CDC42SE2: variants seen among roughly 807,000 people sequenced by gnomAD.
The protein encoded by CDC42SE2 is CDC42 small effector 2.
CDC42SE2 carries 3 observed loss-of-function variants against 11.5 expected under a neutral mutation model. The observed-to-expected ratio is 0.26, with a 90% CI of 0.12 to 0.67. The LOEUF (loss-of-function observed/expected upper bound fraction) is 0.67. Among genes scored for constraint, CDC42SE2 ranks in the 30% least tolerant of loss-of-function variants. CDC42SE2 has a pLI of 0.80. For synonymous variants in CDC42SE2, 33 were observed against 34.8 expected (o/e 0.95, Z 0.18); for missense variants, 82 against 106.8 (o/e 0.77, Z 1.02).
intron 1 of CDC42SE2, among the ~76,000 whole-genome samples, chr5:131,248,284 C>G (rs1024507326): frequency 6.6e-6 from 1 of 152,032 alleles, no homozygotes; most frequent in African/African-American, 2.4e-5. Flanking sequence ...GGACTGCAGG[C>G]GCATGCCACC....
chr5:131,356,131 T>C (rs921951196), intron 2 of CDC42SE2, among the ~76,000 whole-genome samples: 2 of 152,220 alleles, frequency 1.3e-5, no homozygotes, highest in African/African-American at 4.8e-5. Context: ...AAATACTCTC[T>C]TGTGCTGTAG....
intron 2 of CDC42SE2, among the ~76,000 whole-genome samples, chr5:131,329,039 A>T (rs1240097791): frequency 6.6e-6 from 1 of 152,130 alleles, no homozygotes; most frequent in African/African-American, 2.4e-5. Flanking sequence ...GAGGGGCGGG[A>T]AGAGTGAATG....
chr5:131,313,330 T>G (rs1194598283), intron 1 of CDC42SE2, among the ~76,000 whole-genome samples: 3 of 152,336 alleles, frequency 2.0e-5, no homozygotes, highest in African/African-American at 7.2e-5. Flanking sequence ...CTGAGGCTTA[T>G]CTTTCATTCT....
intron 1 of CDC42SE2, among the ~76,000 whole-genome samples, chr5:131,310,780 G>C (rs1439994825): frequency 6.6e-6 from 1 of 151,604 alleles, no homozygotes; most frequent in Admixed American, 6.6e-5. Flanking sequence ...GCCTTTTTTT[G>C]TTTTCCATTT....
chr5:131,219,520 G>A, the CDC42SE2 span, among the ~76,000 whole-genome samples: 1 of 152,080 alleles, frequency 6.6e-6, no homozygotes. Context: ...TTCCCTCTAT[G>A]ATAGTGAACA....
chr5:131,366,924 A>T (rs1749873597), intron 3 of CDC42SE2, among the ~76,000 whole-genome samples: 1 of 151,942 alleles, frequency 6.6e-6, no homozygotes, highest in African/African-American at 2.4e-5. Context: ...GCTACTCGGG[A>T]GGCTGAGGTA....
chr5:131,265,852 T>G (rs1399472004), intron 1 of CDC42SE2, among the ~76,000 whole-genome samples: 1 of 152,242 alleles, frequency 6.6e-6, no homozygotes, highest in Non-Finnish European at 1.5e-5. Flanking sequence ...GAGACTTTGG[T>G]ACAGTGTATT....
At chr5:131,355,281 A>G (rs1749501980) in intron 2 of CDC42SE2, among the ~76,000 whole-genome samples, 1 of 152,154 alleles carries the variant, frequency 6.6e-6, no homozygotes. Context: ...ACTGAGGGTA[A>G]GCCTGGGCAA....
intron 1 of CDC42SE2, among the ~76,000 whole-genome samples, chr5:131,312,817 C>T (rs919936907): frequency 8.5e-5 from 13 of 152,076 alleles, no homozygotes; most frequent in African/African-American, 3.1e-4. Flanking sequence ...GGTGTGCGCA[C>T]CCACTGACCT....
intron 2 of CDC42SE2, among the ~76,000 whole-genome samples, chr5:131,356,397 A>G (rs1358184144): frequency 6.6e-6 from 1 of 152,212 alleles, no homozygotes; most frequent in Non-Finnish European, 1.5e-5. Context: ...ATATGTAAAT[A>G]TGTTTTACAT....
At chr5:131,232,752 AAAAC>A in the CDC42SE2 span, among the ~76,000 whole-genome samples, 58 of 149,796 alleles carry the variant, frequency 3.9e-4, no homozygotes, top group African/African-American at 5.2e-4. Context: ...AAAAAAAAAA[AAAAC>A]AAAACAGAAA....
chr5:131,308,935 A>T (rs2149722174), intron 1 of CDC42SE2, among the ~76,000 whole-genome samples: 1 of 151,116 alleles, frequency 6.6e-6, no homozygotes, highest in East Asian at 2.0e-4. Flanking sequence ...AATACCCTTT[A>T]TTTCCTTCTC....
chr5:131,304,543 T>G (rs1182374913), intron 1 of CDC42SE2, among the ~76,000 whole-genome samples: 1 of 152,212 alleles, frequency 6.6e-6, no homozygotes, highest in Non-Finnish European at 1.5e-5. Flanking sequence ...GTCTTTTTGG[T>G]CAACAATGAA....
At chr5:131,259,415 G>T (rs1756705227), upstream of CDC42SE2, among the ~76,000 whole-genome samples, 1 of 151,240 alleles carries the variant, frequency 6.6e-6, no homozygotes, top group Non-Finnish European at 1.5e-5. Flanking sequence ...CATTGGTCAA[G>T]TGGATTTACT....
chr5:131,358,693 A>G (rs1749623227), intron 2 of CDC42SE2, among the ~76,000 whole-genome samples: 1 of 152,080 alleles, frequency 6.6e-6, no homozygotes, highest in South Asian at 2.1e-4. Context: ...CTTAACCTCT[A>G]CCCATTTTTC....
At chr5:131,263,175 C>A (rs1467576860), upstream of CDC42SE2, among the ~76,000 whole-genome samples, 1 of 148,788 alleles carries the variant, frequency 6.7e-6, no homozygotes, top group Non-Finnish European at 1.5e-5. Flanking sequence ...GTACAACCAA[C>A]AAGCTTTCTT....
At chr5:131,338,140 CTG>C (rs1429950081) in intron 2 of CDC42SE2, among the ~76,000 whole-genome samples, 1 of 152,250 alleles carries the variant, frequency 6.6e-6, no homozygotes, top group Non-Finnish European at 1.5e-5. Context: ...TATTTAGTAA[CTG>C]TGTTATATAT....
chr5:131,307,494 C>A (rs899126787), intron 1 of CDC42SE2, among the ~76,000 whole-genome samples: 4 of 152,044 alleles, frequency 2.6e-5, no homozygotes, highest in African/African-American at 9.7e-5. Context: ...GGTTCCAAGT[C>A]TTTGCTATTG....
chr5:131,244,715 T>TA (rs1270774065), upstream of CDC42SE2, among the ~76,000 whole-genome samples: 1 of 151,226 alleles, frequency 6.6e-6, no homozygotes, highest in African/African-American at 2.4e-5. Flanking sequence ...TATCTCAAAA[T>TA]AAAAAAAAGA....
Sources: allele counts gnomAD v4.1 joint callset (sites outside exome capture counted in the v4.1 genomes callset), GRCh38; gene constraint gnomAD v4.1.1; transcripts MANE v1.5; gene names NCBI Gene and HGNC (gene_info 2026-07-23, HGNC 2026-07-21).